The following LIMK2 variants were observed in gnomAD, a reference collection of about 807,000 sequenced individuals.
LIMK2 encodes the protein LIM domain kinase 2.
A neutral mutation model predicts 75.7 loss-of-function variants in LIMK2; 35 were observed. That is an observed-to-expected ratio of 0.46 (90% confidence interval 0.35 to 0.61). LIMK2 has a LOEUF of 0.61. LIMK2 is among the 20% of genes least tolerant of loss of function. The pLI is 0.00. For synonymous variants in LIMK2, 301 were observed against 319.2 expected (o/e 0.94, Z 0.61); for missense variants, 623 against 831.0 (o/e 0.75, Z 3.08).
intron 1 of LIMK2, among the ~76,000 whole-genome samples, chr22:31,216,106 TAGA>T (rs1260371931): frequency 3.3e-5 from 5 of 152,176 alleles, no homozygotes; most frequent in African/African-American, 1.2e-4. Flanking sequence ...GGTAAGGGGA[TAGA>T]AGAAGTGAGT....
chr22:31,223,999 A>G (rs1433798743), intron 1 of LIMK2, among the ~76,000 whole-genome samples: 1 of 152,176 alleles, frequency 6.6e-6, no homozygotes, highest in Non-Finnish European at 1.5e-5. Flanking sequence ...TTGTCTATTC[A>G]TGGCCCCTGT....
chr22:31,266,299 A>G (rs971032462), intron 8 of LIMK2, among the ~76,000 whole-genome samples, 167 bp downstream of exon 8: 3 of 152,004 alleles, frequency 2.0e-5, no homozygotes, highest in African/African-American at 7.3e-5. Context: ...CACCCAGGCC[A>G]CCTAAGGTCA....
At chr22:31,245,855 C>T (rs1429813096) in intron 2 of LIMK2, among the ~76,000 whole-genome samples, 6 of 151,932 alleles carry the variant, frequency 3.9e-5, no homozygotes, top group Non-Finnish European at 8.8e-5. Context: ...CAAAGTGAGA[C>T]CCTGTCTCTA....
intron 5 of LIMK2, among the ~76,000 whole-genome samples, chr22:31,260,799 G>T (rs1455607495): frequency 2.6e-5 from 4 of 152,212 alleles, no homozygotes; most frequent in Non-Finnish European, 5.9e-5. Context: ...GGCAGAGGGA[G>T]AAGCATTTCT....
chr22:31,267,231 G>A (rs1043207607), intron 9 of LIMK2, among the ~76,000 whole-genome samples, 161 bp downstream of exon 9: 6 of 152,132 alleles, frequency 3.9e-5, no homozygotes, highest in Non-Finnish European at 1.5e-5. Context: ...AAATTACAGC[G>A]TAATTATTTG....
intron 2 of LIMK2, among the ~76,000 whole-genome samples, chr22:31,230,828 G>A (rs2048521654): frequency 6.6e-6 from 1 of 152,130 alleles, no homozygotes; most frequent in African/African-American, 2.4e-5. Context: ...CTGTGATGCT[G>A]AAAGCCACAT....
chr22:31,226,798 C>T (rs572224505), intron 2 of LIMK2, among the ~76,000 whole-genome samples: 8 of 151,966 alleles, frequency 5.3e-5, no homozygotes, highest in South Asian at 4.2e-4. Context: ...TTAGTAGAGG[C>T]GGGGTTTCAC....
chr22:31,217,362 A>T (rs1260262548), intron 1 of LIMK2, among the ~76,000 whole-genome samples: 4 of 150,216 alleles, frequency 2.7e-5, no homozygotes, highest in Non-Finnish European at 5.9e-5. Context: ...GCACCACCGC[A>T]CTCCAGCCTG....
chr22:31,275,310 T>C lies in LIMK2; in HGVS notation c.1772+2T>C, dbSNP rs2049002457. ...CTGCAGACTGGAGCCTGAGAGCAGG[T>C]TGGTATCCTGCCTTTTTCTCCCAGC... On this transcript the variant is annotated splice_donor_variant, in intron 15 of 15. Coordinates refer to ENST00000331728, the MANE Select transcript of LIMK2 (RefSeq NM_005569.4). LOFTEE classifies it high-confidence loss of function. The C allele has an allele frequency of 6.2e-7, 1 of 1,613,982 alleles. No homozygotes were observed. The highest frequency in any genetic ancestry group is 8.5e-7 in the Non-Finnish European group (1 of 1,180,014).
At chr22:31,266,495 C>G (rs1009852485) in intron 8 of LIMK2, among the ~76,000 whole-genome samples, 2 of 152,112 alleles carry the variant, frequency 1.3e-5, no homozygotes, top group African/African-American at 4.8e-5. Context: ...AGGGACTAAC[C>G]TCTCTCTTTC....
rs545516089 is a variant in LIMK2, at chr22:31,222,174, C to G, written c.17-3546C>G. On this transcript the variant is annotated intron_variant, in intron 1 of 15. Transcript: ENST00000331728. ...CAACCTCTGCCTCCCGGGTTCAAGC[C>G]ATTCTCCTGCCTCAGCCTCCTGAGT... Among the ~76,000 whole-genome samples the G allele has an allele frequency of 2.0e-4, 30 of 150,928 alleles. No individual in the cohort carries two copies. In the East Asian group the frequency reaches 5.3e-3, roughly 27 times the overall value.
chr22:31,276,195 A>G (rs1347596158), intron 15 of LIMK2, among the ~76,000 whole-genome samples: 2 of 152,168 alleles, frequency 1.3e-5, no homozygotes, highest in Non-Finnish European at 2.9e-5. Context: ...ATATCACGCC[A>G]TTGCACTCCA....
chr22:31,257,835 GT>G (rs1305199112), intron 2 of LIMK2, among the ~76,000 whole-genome samples: 3 of 152,202 alleles, frequency 2.0e-5, no homozygotes, highest in Non-Finnish European at 4.4e-5. Context: ...TGATGGGTCA[GT>G]TTTGAAGAGT....
At chr22:31,261,686 T>G (rs1441096765) in intron 5 of LIMK2, among the ~76,000 whole-genome samples, 1 of 152,096 alleles carries the variant, frequency 6.6e-6, no homozygotes, top group African/African-American at 2.4e-5. Context: ...GAGAATTGCT[T>G]GAGCCTGGGA....
In LIMK2 at chr22:31,272,653, C is replaced by T. The variant is rs778980962; in HGVS notation, c.1507C>T (p.Arg503Cys). The change falls in exon 13 of 16, where the codon CGC becomes TGC. Residue 503 changes from arginine to cysteine, a missense_variant. This residue lies in a region of LIMK2 where 514 missense variants were observed against 661.3 expected (regional missense o/e 0.78). Transcript: ENST00000331728. ...RTLRKNDRKK[R>C]YTVVGNPYWM... ...CTTGCGCAAGAACGACCGCAAGAAGCGCTACACGGTGGTGGGAAACCCCTA... is the reference window on the plus strand; with the variant it reads ...CTTGCGCAAGAACGACCGCAAGAAGTGCTACACGGTGGTGGGAAACCCCTA... The T allele has an allele frequency of 2.5e-6, 4 of 1,613,796 alleles. No individual in the cohort carries two copies. The Admixed American group carries it at 5.0e-5, about 20-fold the overall frequency.
rs769733258 is a variant in LIMK2 at position 31,273,471 on chromosome 22, G to A, written c.1578G>A (p.Thr526=). 2.0e-5 allele frequency: 33 copies of A among 1,613,676 alleles called. No individual in the cohort carries two copies. Among genetic ancestry groups the A allele is most frequent in the African/African-American group, 5.3e-5 (4 of 74,886 alleles). ...CCCAAGGAAAGAGCTATGATGAGAC[G>A]GTGGATATCTTCTCCTTTGGGATCG... ...EMLNGKSYDE[T]VDIFSFGIVL... is the part of the protein sequence containing the mutation. Residue 526 remains threonine (T), a synonymous_variant, in exon 14 of 16, where the codon ACG becomes ACA. Coordinates refer to ENST00000331728, the MANE Select transcript of LIMK2 (RefSeq NM_005569.4).
At chr22:31,257,240 G>A (rs2048793648) in intron 2 of LIMK2, among the ~76,000 whole-genome samples, 1 of 151,238 alleles carries the variant, frequency 6.6e-6, no homozygotes, top group African/African-American at 2.4e-5. Flanking sequence ...TAGAATGTTG[G>A]GTTTCTTCCC....
chr22:31,258,550 T>A (rs1474864281), intron 3 of LIMK2, 124 bp downstream of exon 3: 1 of 940,820 alleles, frequency 1.1e-6, no homozygotes, highest in Non-Finnish European at 1.6e-6. Flanking sequence ...CTTTATTTAT[T>A]CATTCATTCA....
chr22:31,259,794 G>T, intron 4 of LIMK2, 95 bp from the exon 5 acceptor site: 2 of 1,020,238 alleles, frequency 2.0e-6, no homozygotes, highest in Non-Finnish European at 1.4e-6. Flanking sequence ...GTGAGACTAT[G>T]GGTACTGTTG....
Sources: allele counts gnomAD v4.1 joint callset (sites outside exome capture counted in the v4.1 genomes callset), GRCh38; gene constraint gnomAD v4.1.1; regional missense constraint gnomAD v4.1.1; transcripts MANE v1.5; gene names NCBI Gene and HGNC (gene_info 2026-07-23, HGNC 2026-07-21).